The following CSMD3 variants were observed in gnomAD, a reference collection of about 807,000 sequenced individuals.
The protein encoded by CSMD3 is CUB and sushi domain-containing protein 3.
In CSMD3, 177 loss-of-function variants were observed where a neutral mutation model predicts 435.2. The ratio of observed to expected loss-of-function variants is 0.41; its 90% CI spans 0.36 to 0.46. The LOEUF (loss-of-function observed/expected upper bound fraction) is 0.46. Ranked by LOEUF, CSMD3 falls within the 20% of genes least tolerant of loss-of-function variation. The pLI is 0.34. For missense variants in CSMD3, 4,265 were observed against 4,504.6 expected, an observed-to-expected ratio of 0.95 and a Z score of 1.52; for synonymous variants, 1,656 against 1,520.5, an observed-to-expected ratio of 1.09 and a Z score of -2.07.
At chr8:112,685,323 AG>A in intron 15 of CSMD3, 82 bp downstream of exon 15, 1 of 1,122,388 alleles carries the variant, frequency 8.9e-7, no homozygotes, top group Non-Finnish European at 1.3e-6. Flanking sequence ...CTAGGAAACA[AG>A]GGAACCAATA....
intron 37 of CSMD3, 85 bp downstream of exon 37, chr8:112,383,482 A>G: frequency 2.6e-6 from 2 of 764,904 alleles, no homozygotes; most frequent in Non-Finnish European, 4.6e-6. Flanking sequence ...TAAAACTACC[A>G]AGTAAGAGTT....
chr8:112,355,916 C>A (rs375885288), intron 38 of CSMD3, among the ~76,000 whole-genome samples: 3 of 151,886 alleles, frequency 2.0e-5, no homozygotes, highest in Admixed American at 1.3e-4. Flanking sequence ...CATGAATGAC[C>A]AACAAACATG....
chr8:113,001,040 C>T (rs2085843862), intron 6 of CSMD3, among the ~76,000 whole-genome samples: 1 of 151,910 alleles, frequency 6.6e-6, no homozygotes, highest in Non-Finnish European at 1.5e-5. Flanking sequence ...GTCATAGCAA[C>T]ATTCAATCCT....
At chr8:112,628,958 G>A (rs1586839464) in intron 22 of CSMD3, among the ~76,000 whole-genome samples, 2 of 152,110 alleles carry the variant, frequency 1.3e-5, no homozygotes, top group African/African-American at 4.8e-5. Context: ...TTAAGTAAGA[G>A]AGTAACATAA....
Position 112,503,838 on chromosome 8 carries a change from G to A in CSMD3, c.5035C>T (p.Arg1679Trp), listed in dbSNP as rs368685063. 24 of 1,612,680 alleles carry A rather than the reference G, an allele frequency of 1.5e-5. No homozygotes were observed. Among genetic ancestry groups the A allele is most frequent in the African/African-American group, 1.1e-4 (8 of 74,798 alleles). The change falls in exon 30 of 71, where the codon CGG becomes TGG. Residue 1679 changes from arginine to tryptophan, a missense_variant. Around this residue, in one of 3 missense-constraint regions of CSMD3, gnomAD observed 3,255 missense variants for 3,380.2 expected, o/e 0.96. Transcript: ENST00000297405. The stretch of plus-strand genomic sequence containing the variant: ...GTGTAACTAACAGATCCATCACTCC[G>A]AAAAGCCAAATGCATTGTATTTGAG... ...SSSNTMHLAF[R>W]SDGSVSYTGF...
intron 23 of CSMD3, among the ~76,000 whole-genome samples, chr8:112,582,321 ATGTT>A (rs751728182): frequency 5.3e-5 from 8 of 152,022 alleles, no homozygotes; most frequent in Non-Finnish European, 1.2e-4. Context: ...TGTTGGTGCC[ATGTT>A]TGTAGAGCCT....
At chr8:113,161,512 T>C (rs941823821) in intron 4 of CSMD3, among the ~76,000 whole-genome samples, 4 of 152,140 alleles carry the variant, frequency 2.6e-5, no homozygotes, top group Non-Finnish European at 5.9e-5. Context: ...GCTATTATTA[T>C]TGTTGAGGTG....
chr8:112,867,503 C>CACAAATCTAGATTGTGTAGCCTACT (rs1372977574), intron 10 of CSMD3, among the ~76,000 whole-genome samples: 14 of 152,006 alleles, frequency 9.2e-5, no homozygotes, highest in Non-Finnish European at 1.5e-4. Flanking sequence ...GTGCTTACTA[C>CACAAATCTAGATTGTGTAGCCTACT]ACAAATCTAG....
intron 10 of CSMD3, among the ~76,000 whole-genome samples, chr8:112,917,825 A>C (rs1003465915): frequency 1.3e-5 from 2 of 152,014 alleles, no homozygotes; most frequent in Non-Finnish European, 2.9e-5. Context: ...CTCACTCTAC[A>C]TCCTTTCATA....
chr8:112,380,268 A>G, intron 38 of CSMD3, 84 bp downstream of exon 38: 1 of 753,184 alleles, frequency 1.3e-6, no homozygotes, highest in Middle Eastern at 3.7e-4. Context: ...AAGTTGCTAT[A>G]ATATGTACAT....
intron 4 of CSMD3, among the ~76,000 whole-genome samples, chr8:113,123,311 G>T (rs950286173): frequency 6.6e-6 from 1 of 151,974 alleles, no homozygotes; most frequent in Non-Finnish European, 1.5e-5. Flanking sequence ...TTTTATATTG[G>T]CATGATAGTC....
chr8:112,415,413 CAGA>C (rs545163567), intron 32 of CSMD3, among the ~76,000 whole-genome samples: 179 of 152,316 alleles, frequency 1.2e-3, no homozygotes, highest in Admixed American at 4.0e-3. Flanking sequence ...ACCTAGATTT[CAGA>C]AGATGTATGG....
intron 2 of CSMD3, among the ~76,000 whole-genome samples, chr8:113,306,273 T>C (rs1314291122): frequency 3.9e-5 from 6 of 152,124 alleles, no homozygotes; most frequent in Admixed American, 6.5e-5. Context: ...TTTTATTATA[T>C]AAGAGAGAGA....
At chr8:112,392,950 C>CA (rs1351998633) in intron 35 of CSMD3, among the ~76,000 whole-genome samples, 1 of 149,108 alleles carries the variant, frequency 6.7e-6, no homozygotes. Context: ...ACTGCAGCCT[C>CA]AAATTCCTAG....
chr8:113,326,235 C>T (rs1274731922), intron 1 of CSMD3, among the ~76,000 whole-genome samples: 1 of 152,126 alleles, frequency 6.6e-6, no homozygotes, highest in Non-Finnish European at 1.5e-5. Context: ...TTGTTTCTGA[C>T]AGTCTTTCTT....
chr8:112,382,291 CAA>C (rs11384093), intron 37 of CSMD3, among the ~76,000 whole-genome samples: 16 of 116,734 alleles, frequency 1.4e-4, no homozygotes, highest in Admixed American at 2.8e-4. Context: ...CTCTAAAATG[CAA>C]AAAAAAAAAA....
chr8:112,536,409 C>G (rs1043236635), intron 27 of CSMD3, among the ~76,000 whole-genome samples: 20 of 152,102 alleles, frequency 1.3e-4, no homozygotes, highest in African/African-American at 4.8e-4. Context: ...CAGCCAAAAA[C>G]CACATGAAAA....
chr8:112,698,534 A>G (rs1046692320), intron 13 of CSMD3, among the ~76,000 whole-genome samples: 2 of 152,136 alleles, frequency 1.3e-5, no homozygotes, highest in Non-Finnish European at 2.9e-5. Flanking sequence ...AAGGAAAAAG[A>G]TAAGATGAAA....
At chr8:113,114,966 A>G (rs1365675815) in intron 4 of CSMD3, among the ~76,000 whole-genome samples, 1 of 152,226 alleles carries the variant, frequency 6.6e-6, no homozygotes, top group Admixed American at 6.5e-5. Flanking sequence ...CATAAAATAT[A>G]AAGGGCTGAG....
Sources: gnomAD v4.1 joint callset for allele counts (sites outside exome capture counted in the v4.1 genomes callset) on GRCh38, gnomAD v4.1.1 for gene constraint, gnomAD v4.1.1 regional missense constraint, MANE v1.5 for transcripts, NCBI Gene and HGNC (gene_info 2026-07-23, HGNC 2026-07-21) for gene names.